The following SCAMP2 variants were observed in gnomAD, a reference collection of about 807,000 sequenced individuals.
SCAMP2 encodes the protein secretory carrier membrane protein 2.
In SCAMP2, 25 loss-of-function variants were observed where a neutral mutation model predicts 44.1. That is an observed-to-expected ratio of 0.57 (90% CI 0.41 to 0.79). SCAMP2 has a LOEUF of 0.79. Ranked by LOEUF, SCAMP2 falls within the 30% of genes least tolerant of loss-of-function variation. The probability of loss-of-function intolerance (pLI) is 0.00; values close to 1 mark genes in which losing one functional copy is unlikely to be tolerated. For synonymous variants in SCAMP2, 156 were observed against 166.0 expected (o/e 0.94, Z 0.46); for missense variants, 355 against 411.0 (o/e 0.86, Z 1.18).
chr15:74,869,199 C>T (rs996544865), intron 1 of SCAMP2, among the ~76,000 whole-genome samples: 4 of 151,942 alleles, frequency 2.6e-5, no homozygotes, highest in African/African-American at 9.7e-5. Context: ...TAGCAATTCC[C>T]AAACCTATTT....
Position 74,844,900 on chromosome 15 carries a change from G to T in SCAMP2, c.*183C>A. 1.6e-6 allele frequency: 1 copy of T among 613,252 alleles called. No homozygotes were observed. The highest frequency in any genetic ancestry group is 2.8e-5 in the East Asian group (1 of 35,698). 38.0% of individuals were successfully genotyped at this position (613,252 alleles called of 1,614,324 possible). A position where few individuals can be genotyped will look rare whatever the true frequency, so the allele number is the denominator to read the frequency against. On this transcript the variant is annotated 3_prime_UTR_variant, in exon 9 of 9. Transcript: ENST00000268099. ...CTTTGTTTTTTTTTGTACATAGAGGGGGAAAAAATTCCCTGTCCCTCCCGT... is the reference window on the plus strand; with the variant it reads ...CTTTGTTTTTTTTTGTACATAGAGGTGGAAAAAATTCCCTGTCCCTCCCGT...
chr15:74,854,667 A>G lies in SCAMP2; in HGVS notation c.58-18T>C, dbSNP rs1489802135. 3 of 1,601,162 alleles carry G rather than the reference A, an allele frequency of 1.9e-6. No homozygotes were observed. The highest frequency in any genetic ancestry group is 1.3e-5 in the African/African-American group (1 of 74,600). On this transcript the variant is annotated intron_variant, in intron 1 of 8. Transcript: ENST00000268099. ...GAGGGATCCTGAGAAGGTGAAAAAA[A>G]GCCCTTAGACACAGTGGAGAAAATC...
chr15:74,849,912 C>CA (rs2064424466), intron 6 of SCAMP2, among the ~76,000 whole-genome samples: 1 of 152,188 alleles, frequency 6.6e-6, no homozygotes, highest in African/African-American at 2.4e-5. Flanking sequence ...AGGGCTAGAT[C>CA]ACAGTGAGGG....
intron 1 of SCAMP2, among the ~76,000 whole-genome samples, chr15:74,867,378 G>A (rs369018636): frequency 3.3e-5 from 5 of 152,166 alleles, no homozygotes; most frequent in South Asian, 2.1e-4. Flanking sequence ...AAGACTTAAC[G>A]GAAGAGTCAA....
At chr15:74,849,956 C>T (rs1017034321) in intron 6 of SCAMP2, among the ~76,000 whole-genome samples, 1 of 152,182 alleles carries the variant, frequency 6.6e-6, no homozygotes, top group Non-Finnish European at 1.5e-5. Flanking sequence ...GATGGTTCAG[C>T]CACTACCCTA....
chr15:74,866,954 G>A (rs574139405), intron 1 of SCAMP2, among the ~76,000 whole-genome samples: 4 of 152,174 alleles, frequency 2.6e-5, no homozygotes, highest in Admixed American at 1.3e-4. Context: ...CCGCCATCAC[G>A]CCTGGCTAAT....
intron 6 of SCAMP2, among the ~76,000 whole-genome samples, chr15:74,849,168 TA>T (rs2064418502): frequency 6.6e-6 from 1 of 152,196 alleles, no homozygotes; most frequent in South Asian, 2.1e-4. Context: ...TAAATCTCTA[TA>T]TAATAAGTAA....
At chr15:74,852,001 C>T (rs1056021033) in intron 4 of SCAMP2, 68 bp downstream of exon 4, 35 of 1,113,460 alleles carry the variant, frequency 3.1e-5, no homozygotes, top group Non-Finnish European at 4.4e-5. Context: ...GGGAGGCCCT[C>T]CGCACAGGTT....
rs888755199 is a variant in SCAMP2, at chr15:74,852,112, T to C, written c.300A>G (p.Glu100=). 1.3e-6 allele frequency: 2 copies of C among 1,593,632 alleles called. No homozygotes were observed. The highest frequency in any genetic ancestry group is 8.5e-7 in the Non-Finnish European group (1 of 1,170,156). The change falls in exon 4 of 9, where the codon GAA becomes GAG. Residue 100 remains glutamate (E), a synonymous_variant. Coordinates refer to ENST00000268099, the MANE Select transcript of SCAMP2 (RefSeq NM_005697.5). The stretch of plus-strand genomic sequence containing the variant: ...TGTTCTGCAGCTCCCGCTCCTTGCG[T>C]TCCAGCTCGGCAGCTTTCCTGTCCA... ...EELDRKAAEL[E]RKERELQNTV...
intron 2 of SCAMP2, 70 bp from the exon 3 acceptor site, chr15:74,854,189 C>A (rs2064453581): frequency 1.5e-6 from 2 of 1,357,678 alleles, no homozygotes; most frequent in African/African-American, 2.9e-5. Context: ...GGCAAACCCA[C>A]AGCAGGATGA....
intron 7 of SCAMP2, 174 bp downstream of exon 7, chr15:74,848,426 C>G: frequency 2.0e-6 from 1 of 507,232 alleles, no homozygotes; most frequent in Non-Finnish European, 3.5e-6. Flanking sequence ...TGAGTGGCTA[C>G]TGATGAAGAA....
chr15:74,855,320 T>A (rs1596417131), intron 1 of SCAMP2, among the ~76,000 whole-genome samples: 2 of 151,934 alleles, frequency 1.3e-5, no homozygotes, highest in Non-Finnish European at 2.9e-5. Context: ...GCCAGGATGG[T>A]CTCAATCTCT....
chr15:74,850,043 G>A (rs1015619407), intron 6 of SCAMP2, among the ~76,000 whole-genome samples: 5 of 152,136 alleles, frequency 3.3e-5, no homozygotes, highest in African/African-American at 1.2e-4. Context: ...AACCCCTGGG[G>A]GTCTGTAAGG....
In SCAMP2 at chr15:74,853,649, G is replaced by T. The variant is rs1024532970; in HGVS notation, c.225+372C>A. 3.8e-5 allele frequency: 14 copies of T among 370,028 alleles called. No individual in the cohort carries two copies. The Admixed American group carries it at 4.5e-4, about 12-fold the overall frequency. 22.9% of individuals were successfully genotyped at this position (370,028 alleles called of 1,614,324 possible). On this transcript the variant is annotated intron_variant, in intron 3 of 8. Coordinates refer to ENST00000268099, the MANE Select transcript of SCAMP2 (RefSeq NM_005697.5). ...GACAAAGGAAGACAGGAAGGAAGGT[G>T]AGAATTAATGAAGTTAAAAAAAAGA...
At chr15:74,850,253 G>A (rs1481837593) in intron 6 of SCAMP2, among the ~76,000 whole-genome samples, 2 of 152,188 alleles carry the variant, frequency 1.3e-5, no homozygotes, top group South Asian at 2.1e-4. Flanking sequence ...TGGGAGCAGT[G>A]GGATGGGAGG....
At chr15:74,862,287 AAAT>A (rs1477661894) in intron 1 of SCAMP2, among the ~76,000 whole-genome samples, 3,567 of 127,562 alleles carry the variant, frequency 0.028, 1,289 homozygotes, top group African/African-American at 0.14. Flanking sequence ...AAAAAAAAAA[AAAT>A]TCCTGGCCAG....
chr15:74,847,745 C>T (rs1323787963), intron 7 of SCAMP2, among the ~76,000 whole-genome samples: 1 of 152,208 alleles, frequency 6.6e-6, no homozygotes, highest in Non-Finnish European at 1.5e-5. Flanking sequence ...AAACATCAGC[C>T]ATCAGCTTTT....
intron 1 of SCAMP2, among the ~76,000 whole-genome samples, chr15:74,869,180 C>T (rs184853848): frequency 8.6e-5 from 13 of 152,032 alleles, no homozygotes; most frequent in East Asian, 5.8e-4. Flanking sequence ...GAAACAAAAA[C>T]GAAATAGGTA....
intron 1 of SCAMP2, among the ~76,000 whole-genome samples, chr15:74,862,099 A>C (rs1284769546): frequency 6.8e-6 from 1 of 147,404 alleles, no homozygotes; most frequent in Non-Finnish European, 1.5e-5. Flanking sequence ...ACCAAAAAAA[A>C]AAAAAATACA....
Sources: allele counts gnomAD v4.1 joint callset (sites outside exome capture counted in the v4.1 genomes callset), GRCh38; gene constraint gnomAD v4.1.1; transcripts MANE v1.5; gene names NCBI Gene and HGNC (gene_info 2026-07-23, HGNC 2026-07-21).